The following USP53 variants were observed in gnomAD, a reference collection of about 807,000 sequenced individuals.
USP53 encodes ubiquitin specific peptidase 53.
Under a neutral mutation model 94.9 loss-of-function variants are expected in USP53, and 71 were observed. The observed-to-expected ratio is 0.75, with a 90% CI of 0.62 to 0.91. The LOEUF (loss-of-function observed/expected upper bound fraction) is 0.91. USP53 is among the 40% of genes least tolerant of loss of function. The pLI, the probability that USP53 is intolerant of heterozygous loss-of-function variation, is 0.00. For missense variants in USP53, 1,173 were observed against 1,281.0 expected (o/e 0.92, Z 1.29); for synonymous variants, 375 against 422.7 (o/e 0.89, Z 1.39).
chr4:119,263,093 C>T (rs977270477), intron 12 of USP53, among the ~76,000 whole-genome samples: 3 of 152,066 alleles, frequency 2.0e-5, no homozygotes, highest in African/African-American at 7.2e-5. Flanking sequence ...TAACAAAAGG[C>T]CATTTATCAG....
chr4:119,292,974 A>G lies in USP53; in HGVS notation c.2985A>G (p.Thr995=), dbSNP rs1339819811. Residue 995 remains threonine, a synonymous_variant, in exon 19 of 19, where the codon ACA becomes ACG. Transcript: ENST00000692078. Reference sequence around the variant, plus strand: ...AAGTGAGAGAATGTTTTGGCAACACACCAAACTGTCCATCCAGCTCCTCAA... The same window carrying G: ...AAGTGAGAGAATGTTTTGGCAACACGCCAAACTGTCCATCCAGCTCCTCAA... ...TFQVRECFGN[T]PNCPSSSSTN... is the part of the protein sequence containing the mutation. The G allele has an allele frequency of 6.2e-6, 10 of 1,614,014 alleles. No homozygotes were observed. Among genetic ancestry groups the G allele is most frequent in the Non-Finnish European group, 7.6e-6 (9 of 1,179,984 alleles).
intron 8 of USP53, 23 bp downstream of exon 8, chr4:119,256,382 T>C (rs1179471434): frequency 1.9e-6 from 3 of 1,613,280 alleles, no homozygotes; most frequent in Admixed American, 3.3e-5. Flanking sequence ...GATTATTATT[T>C]AGATATTGTA....
chr4:119,292,372 C>T lies in USP53; in HGVS notation c.2383C>T (p.Pro795Ser), dbSNP rs1172868847. The T allele has an allele frequency of 6.2e-7, 1 of 1,608,206 alleles. No homozygotes were observed. The highest frequency in any genetic ancestry group is 1.7e-5 in the Admixed American group (1 of 58,674). Residue 795 changes from proline to serine, a missense_variant, in exon 19 of 19, where the codon CCT becomes TCT. Coordinates refer to ENST00000692078, the MANE Select transcript of USP53 (RefSeq NM_001371395.1). Reference sequence around the variant, plus strand: ...ACATGAAGACAATGGAAAGTTATTTCCTTCATCCAGTCTACAAATACCCAA... The same window carrying T: ...ACATGAAGACAATGGAAAGTTATTTTCTTCATCCAGTCTACAAATACCCAA... ...HVHEDNGKLF[P>S]SSSLQIPKDH...
intron 3 of USP53, among the ~76,000 whole-genome samples, chr4:119,222,047 G>C (rs545498640): frequency 6.6e-6 from 1 of 152,244 alleles, no homozygotes; most frequent in African/African-American, 2.4e-5. Context: ...TATGAATTCT[G>C]TATTGCTATT....
chr4:119,280,935 A>G (rs1304051088), intron 17 of USP53, among the ~76,000 whole-genome samples: 1 of 152,210 alleles, frequency 6.6e-6, no homozygotes, highest in East Asian at 1.9e-4. Context: ...CTAGTCTTCT[A>G]ACCAGGCCTG....
chr4:119,278,356 A>T (rs981475973), intron 17 of USP53, among the ~76,000 whole-genome samples: 1 of 151,244 alleles, frequency 6.6e-6, no homozygotes, highest in African/African-American at 2.4e-5. Flanking sequence ...TCCTTCACTT[A>T]TGAAGCTTAG....
Position 119,239,605 on chromosome 4 carries a change from T to C in USP53, c.-155T>C. The C allele has an allele frequency of 2.3e-6, 2 of 865,096 alleles. No homozygotes were observed. The highest frequency in any genetic ancestry group is 3.4e-6 in the Non-Finnish European group (2 of 595,322). 53.6% of individuals were successfully genotyped at this position (865,096 alleles called of 1,614,324 possible). A position where few individuals can be genotyped will look rare whatever the true frequency, so the allele number is the denominator to read the frequency against. On this transcript the variant is annotated 5_prime_UTR_variant, in exon 5 of 19. Transcript: ENST00000692078. Reference sequence around the variant, plus strand: ...TTACTTGTCAGAGTCTTTAAGAGTTTATAACATCAGGAAAGATATGGACTT... The same window carrying C: ...TTACTTGTCAGAGTCTTTAAGAGTTCATAACATCAGGAAAGATATGGACTT...
At chr4:119,232,104 G>C (rs1746155714) in intron 3 of USP53, among the ~76,000 whole-genome samples, 1 of 152,088 alleles carries the variant, frequency 6.6e-6, no homozygotes, top group Non-Finnish European at 1.5e-5. Flanking sequence ...CTTTTCTTTT[G>C]CTCTTTTTAA....
chr4:119,253,318 G>A (rs1044475348), intron 7 of USP53, among the ~76,000 whole-genome samples: 9 of 152,240 alleles, frequency 5.9e-5, no homozygotes, highest in African/African-American at 1.9e-4. Context: ...ACAGTGGGGT[G>A]TTAAAGTCTC....
At chr4:119,238,773 C>G (rs141176071) in intron 4 of USP53, among the ~76,000 whole-genome samples, 100 of 152,222 alleles carry the variant, frequency 6.6e-4, no homozygotes, top group Non-Finnish European at 1.2e-3. Flanking sequence ...TTGTTGATAC[C>G]ATGGAAATTT....
In USP53 at chr4:119,292,869, GCA is replaced by G. The variant is rs779830342; in HGVS notation, c.2883_2884del (p.His961GlnfsTer18). Reference protein sequence around the residue: ...VFKATSHLPKHSLSTASEPSL... With the variant: ...VFKATSHLPKXSLSTASEPSL... ...TTAAAGCTACCTCTCATCTTCCGAA[GCA>G]CAGTTTAAGTACAGCTTCAGAACCA... On this transcript the variant is annotated frameshift_variant, in exon 19 of 19. Coordinates refer to ENST00000692078, the MANE Select transcript of USP53 (RefSeq NM_001371395.1). LOFTEE classifies it low-confidence loss of function (END_TRUNC). 2.5e-6 allele frequency: 4 copies of G among 1,613,972 alleles called. No individual in the cohort carries two copies. In the East Asian group the frequency reaches 8.9e-5, roughly 36 times the overall value.
Position 119,252,241 on chromosome 4 carries a change from G to T in USP53, c.372+3359G>T, listed in dbSNP as rs1749111230. On this transcript the variant is annotated intron_variant, in intron 7 of 18. Coordinates refer to ENST00000692078, the MANE Select transcript of USP53 (RefSeq NM_001371395.1). ...AGGCTTTGGTATCAGGATGATGCTGGCCTCATAAAATGAGTTAGGGAGGAT... is the reference window on the plus strand; with the variant it reads ...AGGCTTTGGTATCAGGATGATGCTGTCCTCATAAAATGAGTTAGGGAGGAT... 1.3e-5 allele frequency among the ~76,000 whole-genome samples: 2 copies of T among 152,176 alleles called. 1 individual carries two copies. The highest frequency in any genetic ancestry group is 4.1e-4 in the South Asian group (2 of 4,824).
chr4:119,287,946 T>C (rs112665000), intron 17 of USP53, among the ~76,000 whole-genome samples: 3,706 of 152,292 alleles, frequency 0.024, 57 homozygotes, highest in South Asian at 0.055. Context: ...AGCCTAAGTT[T>C]CCTCAAGTGT....
chr4:119,246,263 A>G (rs1377722312), intron 6 of USP53, among the ~76,000 whole-genome samples: 2 of 152,190 alleles, frequency 1.3e-5, no homozygotes, highest in Non-Finnish European at 2.9e-5. Context: ...TGCAAGCAAG[A>G]TATCTGAGGT....
Position 119,227,258 on chromosome 4 carries a change from C to T in USP53, c.-664-8032C>T, listed in dbSNP as rs28754388. Among the ~76,000 whole-genome samples, 441 of 58,294 alleles carry T rather than the reference C, an allele frequency of 7.6e-3. 3 individuals carry two copies. The highest frequency in any genetic ancestry group is 0.018 in the African/African-American group (405 of 23,096). 38.2% of individuals were successfully genotyped at this position (58,294 alleles called of 152,430 possible). A position where few individuals can be genotyped will look rare whatever the true frequency, so the allele number is the denominator to read the frequency against. On this transcript the variant is annotated intron_variant, in intron 3 of 18. Transcript: ENST00000692078. ...TAATCCAAAGCCTTGTCTAACACTACACACACACACACACACACACACACA... is the reference window on the plus strand; with the variant it reads ...TAATCCAAAGCCTTGTCTAACACTATACACACACACACACACACACACACA...
At chr4:119,283,733 G>A (rs1753773723) in intron 17 of USP53, among the ~76,000 whole-genome samples, 1 of 151,916 alleles carries the variant, frequency 6.6e-6, no homozygotes, top group South Asian at 2.1e-4. Context: ...AATATAGGAA[G>A]AAGGAACAGA....
At chr4:119,270,378 G>A (rs1353235982) in intron 15 of USP53, among the ~76,000 whole-genome samples, 3 of 151,900 alleles carry the variant, frequency 2.0e-5, no homozygotes, top group Non-Finnish European at 4.4e-5. Flanking sequence ...GATTACAGGG[G>A]TACCCAGACC....
chr4:119,273,785 G>C (rs1578538809), intron 17 of USP53, 77 bp downstream of exon 17: 5 of 1,213,654 alleles, frequency 4.1e-6, no homozygotes, highest in Non-Finnish European at 5.8e-6. Context: ...TTATGTATCT[G>C]AGAGAAAATC....
chr4:119,273,277 G>A (rs1578536766), intron 16 of USP53: 1 of 156,746 alleles, frequency 6.4e-6, no homozygotes, highest in Non-Finnish European at 1.4e-5. Context: ...TTGTACCACT[G>A]CACTCCATCC....
Sources: allele counts gnomAD v4.1 joint callset (sites outside exome capture counted in the v4.1 genomes callset), GRCh38; gene constraint gnomAD v4.1.1; transcripts MANE v1.5; gene names NCBI Gene and HGNC (gene_info 2026-07-23, HGNC 2026-07-21).